Variants in USP42 observed in about 807,000 individuals in gnomAD.
USP42 encodes the protein ubiquitin carboxyl-terminal hydrolase 42.
In USP42, 23 loss-of-function variants were observed where a neutral mutation model predicts 113.0. The ratio of observed to expected loss-of-function variants is 0.20; its 90% confidence interval spans 0.15 to 0.29. USP42 has a LOEUF of 0.29. USP42 is among the 10% of genes least tolerant of loss of function. The pLI, the probability that USP42 is intolerant of heterozygous loss-of-function variation, is 1.00. For missense variants in USP42, 2,174 were observed against 1,779.8 expected (o/e 1.22, Z -3.99); for synonymous variants, 933 against 699.0 (o/e 1.33, Z -5.28).
At chr7:6,119,914 C>G (rs1471819702) in intron 3 of USP42, among the ~76,000 whole-genome samples, 1 of 152,172 alleles carries the variant, frequency 6.6e-6, no homozygotes, top group Non-Finnish European at 1.5e-5. Context: ...GTTGCCCAGG[C>G]TGGTCTTGAA....
chr7:6,131,913 T>C (rs2128495832), intron 3 of USP42, among the ~76,000 whole-genome samples: 1 of 152,302 alleles, frequency 6.6e-6, no homozygotes, highest in Admixed American at 6.5e-5. Context: ...GATATTCTCA[T>C]GGGGTGTAGA....
At chr7:6,126,055 C>T (rs978352968) in intron 3 of USP42, among the ~76,000 whole-genome samples, 15 of 152,174 alleles carry the variant, frequency 9.9e-5, no homozygotes, top group Non-Finnish European at 7.3e-5. Context: ...GCATGTTTCC[C>T]TTTCCAAGCC....
intron 1 of USP42, among the ~76,000 whole-genome samples, chr7:6,105,495 C>G (rs1490690188): frequency 6.8e-6 from 1 of 146,178 alleles, no homozygotes; most frequent in Non-Finnish European, 1.5e-5. Flanking sequence ...TGGCTGCCAC[C>G]TCCCGCCCCG....
chr7:6,149,335 C>T (rs759443056), intron 12 of USP42, among the ~76,000 whole-genome samples: 1 of 152,080 alleles, frequency 6.6e-6, no homozygotes, highest in African/African-American at 2.4e-5. Flanking sequence ...CGAGTTTGGT[C>T]GGAGGATTGT....
chr7:6,149,058 G>A (rs1326909948), intron 12 of USP42, among the ~76,000 whole-genome samples: 1 of 152,226 alleles, frequency 6.6e-6, no homozygotes, highest in Admixed American at 6.5e-5. Flanking sequence ...CGGGGGTGCA[G>A]CAGCCATGGG....
the USP42 span, chr7:6,081,647 A>G: frequency 6.6e-6 from 1 of 152,218 alleles, no homozygotes; most frequent in Non-Finnish European, 1.5e-5. Flanking sequence ...GGGAGCACCC[A>G]TGGCGCATGC....
intron 3 of USP42, among the ~76,000 whole-genome samples, chr7:6,126,932 A>G (rs1489163236): frequency 1.3e-5 from 2 of 152,224 alleles, no homozygotes; most frequent in African/African-American, 2.4e-5. Flanking sequence ...ATTTGATTTT[A>G]TAAGAAACTG....
At position 6,154,703 on chromosome 7, in the gene USP42, A is replaced by C; in HGVS notation, c.3149A>C (p.Tyr1050Ser). The change falls in exon 15 of 18, where the codon TAC (tyrosine) becomes TCC (serine). Residue 1050 changes from tyrosine to serine, a missense_variant. By Grantham distance (144) the Tyr-to-Ser change is moderately radical (BLOSUM62 -2). Transcript: ENST00000306177. ...CGTGGCTGGGGCCGGGAGAAGTTCT[A>C]CCCCGACAGGCCGCGCTGGGACAGG... is the stretch of plus-strand genomic sequence containing the variant. ...GERGWGREKF[Y>S]PDRPRWDRCR... The C allele has an allele frequency of 6.2e-7, 1 of 1,600,276 alleles. No homozygotes were observed. The highest frequency in any genetic ancestry group is 8.5e-7 in the Non-Finnish European group (1 of 1,174,592).
At chr7:6,092,368 G>A in the USP42 span, among the ~76,000 whole-genome samples, 1 of 149,838 alleles carries the variant, frequency 6.7e-6, no homozygotes, top group Non-Finnish European at 1.5e-5. Flanking sequence ...TAGTAGAGAT[G>A]GGGTTTCACC....
the USP42 span, among the ~76,000 whole-genome samples, chr7:6,092,179 T>G: frequency 3.7e-5 from 2 of 53,626 alleles, no homozygotes; most frequent in Non-Finnish European, 1.3e-4. Flanking sequence ...TCTTCTTCTC[T>G]TTTTTTTTTT....
the USP42 span, among the ~76,000 whole-genome samples, chr7:6,097,031 C>A: frequency 6.6e-6 from 1 of 150,866 alleles, no homozygotes; most frequent in South Asian, 2.1e-4. Flanking sequence ...CTCAGCCTCC[C>A]AAGTAGCTGT....
At chr7:6,138,744 C>T (rs1781292194) in intron 4 of USP42, among the ~76,000 whole-genome samples, 1 of 152,174 alleles carries the variant, frequency 6.6e-6, no homozygotes, top group Non-Finnish European at 1.5e-5. Context: ...AGCGCCAACC[C>T]TATTGTGAAC....
In USP42 at chr7:6,105,001, AG is replaced by A; in HGVS notation, c.-36del. 2 of 152,194 alleles carry A rather than the reference AG, an allele frequency of 1.3e-5. No homozygotes were observed. The highest frequency in any genetic ancestry group is 3.1e-3 in the Middle Eastern group (1 of 320). The allele number at this position is 152,194 out of a possible 1,614,324, so 9.4% of individuals were successfully genotyped here. On this transcript the variant is annotated 5_prime_UTR_variant, in exon 1 of 18. Transcript: ENST00000306177. ...TGTGCGGCGGCGGCGGCGGCGGCCGAGGGGGATGGAGCGAGCGCCGAGCCGG... is the reference window on the plus strand; with the variant it reads ...TGTGCGGCGGCGGCGGCGGCGGCCGAGGGGATGGAGCGAGCGCCGAGCCGG...
At position 6,158,121 on chromosome 7, in the gene USP42, C is replaced by G. The variant is rs560282476; in HGVS notation, c.3943+1066C>G. 2.0e-5 allele frequency among the ~76,000 whole-genome samples: 3 copies of G among 152,268 alleles called. No individual in the cohort carries two copies. The highest frequency in any genetic ancestry group is 4.1e-4 in the South Asian group (2 of 4,822). On this transcript the variant is annotated intron_variant, in intron 16 of 17. Transcript: ENST00000306177. This position sits in a 1 kb window ranked among gnomAD's most constrained non-coding sequence, Gnocchi z 4.2. The stretch of plus-strand genomic sequence containing the variant: ...CCTTTTTAAGTGGTTGGAAATAATC[C>G]CAAAGAACAATGCGTTTCACATGAA...
At chr7:6,083,443 A>G in the USP42 span, among the ~76,000 whole-genome samples, 9 of 148,052 alleles carry the variant, frequency 6.1e-5, 1 homozygote, top group African/African-American at 1.8e-4. Flanking sequence ...TTTAGTAAAG[A>G]TGGGGTTTTG....
At chr7:6,138,131 C>G (rs1337750149) in intron 4 of USP42, among the ~76,000 whole-genome samples, 1 of 152,150 alleles carries the variant, frequency 6.6e-6, no homozygotes, top group Non-Finnish European at 1.5e-5. Context: ...TAGGTCTAAA[C>G]TGGTGGAGTG....
chr7:6,092,035 C>CTTCTTCTTCTTCTTCTTCTTCTTCTTCT, the USP42 span, among the ~76,000 whole-genome samples: 4 of 98,296 alleles, frequency 4.1e-5, no homozygotes, highest in African/African-American at 1.6e-4. Context: ...TCTTCTTCTT[C>CTTCTTCTTCTTCTTCTTCTTCTTCTTCT]TTCTTCTTCT....
chr7:6,125,180 C>CAAAAAAAAA (rs1291832906), intron 3 of USP42, among the ~76,000 whole-genome samples: 1 of 54,016 alleles, frequency 1.9e-5, no homozygotes. Flanking sequence ...GACTCTGTCT[C>CAAAAAAAAA]AACAAAAAAA....
intron 3 of USP42, among the ~76,000 whole-genome samples, chr7:6,128,788 A>G (rs1376089489): frequency 2.0e-5 from 3 of 151,860 alleles, no homozygotes; most frequent in Admixed American, 1.3e-4. Flanking sequence ...GTTTTTCAAA[A>G]TTACATCATT....
Sources: allele counts gnomAD v4.1 joint callset (sites outside exome capture counted in the v4.1 genomes callset), GRCh38; gene constraint gnomAD v4.1.1; non-coding constraint Gnocchi (gnomAD v3.1); transcripts MANE v1.5; gene names NCBI Gene and HGNC (gene_info 2026-07-23, HGNC 2026-07-21).